Variants in RNF212B observed in about 807,000 individuals in gnomAD.
The protein encoded by RNF212B is E3 ubiquitin-protein ligase RNF212B.
RNF212B carries 52 observed loss-of-function variants against 55.5 expected under a neutral mutation model. That is an observed-to-expected ratio of 0.94 (90% CI 0.75 to 1.18). The LOEUF (loss-of-function observed/expected upper bound fraction) is 1.18, where lower values mean the gene tolerates loss of function less well. Ranked by LOEUF, RNF212B falls within the 50% of genes most tolerant of loss-of-function variation. RNF212B has a pLI of 0.00. For missense variants in RNF212B, 289 were observed against 350.4 expected, an observed-to-expected ratio of 0.82 and a Z score of 1.40; for synonymous variants, 99 against 121.4, an observed-to-expected ratio of 0.82 and a Z score of 1.21.
upstream of RNF212B, among the ~76,000 whole-genome samples, chr14:23,236,500 G>A (rs1883106676): frequency 6.6e-6 from 1 of 152,034 alleles, no homozygotes; most frequent in Non-Finnish European, 1.5e-5. Flanking sequence ...TGGCGACAGA[G>A]TGAGACTCTG....
rs146396868 is a variant in RNF212B, at chr14:23,199,020, A to G, written c.-2+5619A>G. On this transcript the variant is annotated intron_variant, in intron 2 of 15. Coordinates refer to the RNF212B transcript ENST00000399910. ...CACGCTGTCCACTGAGAGGGCCTAG[A>G]GGCAATGACACCCCCATAGCAATGG... Among the ~76,000 whole-genome samples, 248 of 152,274 alleles carry G rather than the reference A, an allele frequency of 1.6e-3. 2 individuals are homozygous for G. Among genetic ancestry groups the G allele is most frequent in the African/African-American group, 5.5e-3 (228 of 41,550 alleles).
At chr14:23,211,855 G>A (rs987555803) in intron 2 of RNF212B, among the ~76,000 whole-genome samples, 9 of 152,044 alleles carry the variant, frequency 5.9e-5, no homozygotes, top group South Asian at 2.1e-4. Flanking sequence ...CCCAAGTAGC[G>A]AGGACTACAG....
Position 23,240,365 on chromosome 14 carries a change from A to G in RNF212B, c.20A>G (p.Asn7Ser). 1 of 1,550,154 alleles carries G rather than the reference A, an allele frequency of 6.5e-7. No individual in the cohort carries two copies. Among genetic ancestry groups the G allele is most frequent in the Non-Finnish European group, 8.7e-7 (1 of 1,146,668 alleles). ...TCCAGAATGGATTGGTTTCATTGCA[A>G]CCAGTGCTTCCGAAAAGATGGGGCC... MDWFHC[N>S]QCFRKDGAHF... Residue 7 changes from asparagine (N) to serine (S), a missense_variant, in exon 2 of 15, where the codon AAC (asparagine) becomes AGC (serine). Coordinates refer to ENST00000430154, the MANE Select transcript of RNF212B (RefSeq NM_001282322.3).
intron 11 of RNF212B, among the ~76,000 whole-genome samples, chr14:23,268,323 G>T (rs941837205): frequency 6.6e-6 from 1 of 152,178 alleles, no homozygotes; most frequent in Non-Finnish European, 1.5e-5. Context: ...TCATGAGCAT[G>T]CCCTGTTGGT....
At chr14:23,268,479 G>C (rs1885848765) in intron 11 of RNF212B, among the ~76,000 whole-genome samples, 1 of 152,128 alleles carries the variant, frequency 6.6e-6, no homozygotes, top group Non-Finnish European at 1.5e-5. Flanking sequence ...TTAATTTTCA[G>C]ATTTCTGAAA....
At chr14:23,263,735 G>C (rs1490403381) in intron 9 of RNF212B, among the ~76,000 whole-genome samples, 1 of 152,112 alleles carries the variant, frequency 6.6e-6, no homozygotes, top group Non-Finnish European at 1.5e-5. Flanking sequence ...TTCTATTAGT[G>C]ACATGTGCCC....
intron 2 of RNF212B, among the ~76,000 whole-genome samples, chr14:23,225,979 C>T (rs190226756): frequency 1.2e-4 from 18 of 151,992 alleles, no homozygotes; most frequent in African/African-American, 4.3e-4. Context: ...AAGTATGTAC[C>T]CACAAAAATG....
rs1242464469 is a variant in RNF212B at position 23,269,858 on chromosome 14, C to T, written c.675-5C>T. 6 of 1,510,516 alleles carry T rather than the reference C, an allele frequency of 4.0e-6. No individual in the cohort carries two copies. The East Asian group carries it at 1.2e-4, about 31-fold the overall frequency. 93.6% of individuals were successfully genotyped at this position (1,510,516 alleles called of 1,614,324 possible). ...TCTGCTGATGCTTTTATTTGCTTTC[C>T]TTAGAACTTCATCTGCCTCCTCTGG... On this transcript the variant is annotated splice_region_variant and splice_polypyrimidine_tract_variant and intron_variant, in intron 12 of 14. Transcript: ENST00000430154.
Position 23,264,175 on chromosome 14 carries a change from C to G in RNF212B, c.526C>G (p.Arg176Gly). 1.3e-6 allele frequency: 2 copies of G among 1,548,410 alleles called. No individual in the cohort carries two copies. Residue 176 changes from arginine (R) to glycine (G), a missense_variant and splice_region_variant, in exon 10 of 15, where the codon CGG (arginine) becomes GGG (glycine). Physicochemically the swap from Arg to Gly is moderately radical, Grantham distance 125. Transcript: ENST00000430154. ...SFQHSSQVVS[R>G]SSSAESIPYR... ...TTCTTTTTGTTTCACCTTATACAGT[C>G]GGTCCTCCTCAGCGGAATCTATTCC...
At chr14:23,188,862 C>G (rs1420606734) in intron 1 of RNF212B, among the ~76,000 whole-genome samples, 1 of 152,132 alleles carries the variant, frequency 6.6e-6, no homozygotes, top group Non-Finnish European at 1.5e-5. Context: ...TGGTGCCTGG[C>G]ACTCAATAAA....
intron 1 of RNF212B, among the ~76,000 whole-genome samples, chr14:23,192,310 G>C (rs1455185065): frequency 6.6e-6 from 1 of 152,162 alleles, no homozygotes; most frequent in East Asian, 1.9e-4. Context: ...TGATAGACTG[G>C]ATTAAGAAAA....
chr14:23,225,795 ATAAC>A lies in RNF212B; in HGVS notation c.-1-14546_-1-14543del, dbSNP rs1391297586. ...TAATAATTTAATCATACATTTAAAA[ATAAC>A]TAAAAGAGTATTGTACATTAAAAAA... On this transcript the variant is annotated intron_variant, in intron 2 of 15. Coordinates refer to the RNF212B transcript ENST00000399910. 2.0e-5 allele frequency among the ~76,000 whole-genome samples: 3 copies of A among 152,218 alleles called. No individual in the cohort carries two copies. In the East Asian group the frequency reaches 5.8e-4, roughly 29 times the overall value.
intron 2 of RNF212B, among the ~76,000 whole-genome samples, chr14:23,228,495 G>T (rs1268544114): frequency 1.3e-5 from 2 of 150,260 alleles, no homozygotes; most frequent in Non-Finnish European, 1.5e-5. Flanking sequence ...AAATTAACAG[G>T]TGTGGTGGCA....
intron 2 of RNF212B, among the ~76,000 whole-genome samples, chr14:23,199,296 G>A (rs1879048036): frequency 6.6e-6 from 1 of 152,212 alleles, no homozygotes; most frequent in Admixed American, 6.5e-5. Context: ...AAGACTTGAA[G>A]TGGGGAGGAG....
At chr14:23,255,377 T>C (rs543764850) in intron 4 of RNF212B, among the ~76,000 whole-genome samples, 7 of 152,312 alleles carry the variant, frequency 4.6e-5, no homozygotes, top group African/African-American at 1.7e-4. Context: ...ATCCAGAGCA[T>C]GAAGACCATG....
intron 1 of RNF212B, among the ~76,000 whole-genome samples, chr14:23,187,008 G>A (rs528641744): frequency 3.9e-5 from 6 of 152,272 alleles, no homozygotes; most frequent in African/African-American, 1.4e-4. Context: ...TCTGCTCAGT[G>A]AGACCCACAG....
rs937436082 is a variant in RNF212B, at chr14:23,256,880, C to T, written c.229-1669C>T. The stretch of plus-strand genomic sequence containing the variant: ...TTTTTTAAATTATTTTTTGGCCGGG[C>T]ATGGTGGCTCACACCTGTAATCCCA... On this transcript the variant is annotated intron_variant, in intron 4 of 14. Coordinates refer to ENST00000430154, the MANE Select transcript of RNF212B (RefSeq NM_001282322.3). Among the ~76,000 whole-genome samples the T allele has an allele frequency of 4.6e-5, 7 of 152,184 alleles. No homozygotes were observed. In the East Asian group the frequency reaches 1.4e-3, roughly 29 times the overall value.
At chr14:23,214,109 T>C (rs532764753) in intron 2 of RNF212B, among the ~76,000 whole-genome samples, 1 of 152,178 alleles carries the variant, frequency 6.6e-6, no homozygotes, top group Non-Finnish European at 1.5e-5. Flanking sequence ...AGACTCTGTA[T>C]CTTTTTTAAA....
At chr14:23,226,751 C>T (rs1882061861) in intron 2 of RNF212B, among the ~76,000 whole-genome samples, 1 of 151,682 alleles carries the variant, frequency 6.6e-6, no homozygotes, top group African/African-American at 2.4e-5. Flanking sequence ...CCCTCCCCTC[C>T]CCTCCCCTCC....
Sources: allele counts gnomAD v4.1 joint callset (sites outside exome capture counted in the v4.1 genomes callset), GRCh38; gene constraint gnomAD v4.1.1; transcripts MANE v1.5; gene names NCBI Gene and HGNC (gene_info 2026-07-23, HGNC 2026-07-21).